LRRC49: variants seen among roughly 807,000 people sequenced by gnomAD.
LRRC49 encodes the protein leucine-rich repeat-containing protein 49.
Under a neutral mutation model 83.3 loss-of-function variants are expected in LRRC49, and 50 were observed. The ratio of observed to expected loss-of-function variants is 0.60; its 90% CI spans 0.48 to 0.76. LRRC49 has a LOEUF of 0.76. Among genes scored for constraint, LRRC49 ranks in the 30% least tolerant of loss-of-function variants. The probability of loss-of-function intolerance (pLI) is 0.00; values close to 1 mark genes in which losing one functional copy is unlikely to be tolerated. For missense variants in LRRC49, 704 were observed against 809.1 expected (o/e 0.87, Z 1.58); for synonymous variants, 286 against 283.3 (o/e 1.01, Z -0.10).
At chr15:70,903,809 T>G (rs2034184505) in intron 4 of LRRC49, among the ~76,000 whole-genome samples, 1 of 152,156 alleles carries the variant, frequency 6.6e-6, no homozygotes, top group South Asian at 2.1e-4. Context: ...ACTTATTTAC[T>G]TCACGTGTAG....
chr15:70,860,137 A>G, intron 1 of LRRC49: 3 of 697,746 alleles, frequency 4.3e-6, no homozygotes, highest in Admixed American at 4.1e-5. Flanking sequence ...CTGGTGTCCA[A>G]GTCCTCTGAC....
intron 11 of LRRC49, among the ~76,000 whole-genome samples, chr15:70,996,446 GTAGTTGAAACTCCTCATTCA>G (rs1309820254): frequency 6.6e-6 from 1 of 152,018 alleles, no homozygotes; most frequent in Non-Finnish European, 1.5e-5. Flanking sequence ...AGCATTTGAC[GTAGTTGAAACTCCTCATTCA>G]CCTGATTTTC....
intron 5 of LRRC49, chr15:70,907,845 G>A (rs1387858531): frequency 7.6e-6 from 3 of 396,966 alleles, no homozygotes; most frequent in East Asian, 7.3e-5. Flanking sequence ...AATCTTTCAG[G>A]TCACATTGGT....
Position 71,049,681 on chromosome 15 carries a change from C to T in LRRC49, c.*69C>T. On this transcript the variant is annotated 3_prime_UTR_variant, in exon 16 of 16. Coordinates refer to ENST00000260382, the MANE Select transcript of LRRC49 (RefSeq NM_017691.5). ...GAAGGTTGAAAATATGCAGGTTATA[C>T]ATGTTAAAACAACAACAACACTATC... The T allele has an allele frequency of 2.1e-6, 2 of 967,598 alleles. No homozygotes were observed. Among genetic ancestry groups the T allele is most frequent in the South Asian group, 3.0e-5 (2 of 67,572 alleles). 59.9% of individuals were successfully genotyped at this position (967,598 alleles called of 1,614,324 possible). A position where few individuals can be genotyped will look rare whatever the true frequency, so the allele number is the denominator to read the frequency against.
At chr15:70,917,912 C>T (rs868573025) in intron 6 of LRRC49, among the ~76,000 whole-genome samples, 7 of 152,244 alleles carry the variant, frequency 4.6e-5, no homozygotes, top group African/African-American at 1.7e-4. Flanking sequence ...GCCCCTTGCT[C>T]GCCATGTTGC....
intron 15 of LRRC49, 56 bp downstream of exon 15, chr15:71,037,388 G>A: frequency 1.4e-6 from 2 of 1,386,122 alleles, no homozygotes; most frequent in South Asian, 2.8e-5. Flanking sequence ...CACATGGCTT[G>A]GAATTTGGGG....
In LRRC49 at chr15:70,858,978, A is replaced by T; in HGVS notation, c.-299+5509A>T. The T allele has an allele frequency of 4.6e-6, 4 of 866,152 alleles. No individual in the cohort carries two copies. In the South Asian group the frequency reaches 5.2e-5, roughly 11 times the overall value. The allele number at this position is 866,152 out of a possible 1,614,324, so 53.7% of individuals were successfully genotyped here. A position where few individuals can be genotyped will look rare whatever the true frequency, so the allele number is the denominator to read the frequency against. ...GGACCCCAACATCCAGGCTCTACAC[A>T]CCCAAAGAAGGAGCAGATCAAGGCC... On this transcript the variant is annotated intron_variant, in intron 1 of 16. Transcript: ENST00000544974.
chr15:70,954,973 G>C (rs970582251), intron 8 of LRRC49, among the ~76,000 whole-genome samples: 6 of 152,034 alleles, frequency 3.9e-5, no homozygotes, highest in Admixed American at 6.6e-5. Flanking sequence ...GGCACCGTGG[G>C]CTTGGGAGGT....
At chr15:70,887,773 A>G (rs1256521348), upstream of LRRC49, among the ~76,000 whole-genome samples, 1 of 152,206 alleles carries the variant, frequency 6.6e-6, no homozygotes, top group Non-Finnish European at 1.5e-5. Context: ...AAATAAAAAC[A>G]CGAATATCAA....
chr15:70,877,450 T>C (rs1488729447), intron 2 of LRRC49, among the ~76,000 whole-genome samples: 1 of 152,254 alleles, frequency 6.6e-6, no homozygotes, highest in Non-Finnish European at 1.5e-5. Context: ...AAATATAGAA[T>C]GTGTACTTTT....
chr15:71,012,876 C>A lies in LRRC49; in HGVS notation c.1666C>A (p.Pro556Thr). ...AGCACATGTAGCATCTTCTGAGTTA[C>A]CCCAGTATCGTCTGATTTCCATTCT... ...ILAHVASSEL[P>T]QYRLISILGD... Residue 556 changes from proline (P) to threonine (T), a missense_variant, in exon 14 of 16, where the codon CCC becomes ACC. Physicochemically the swap from Pro to Thr is conservative, Grantham distance 38 (BLOSUM62 -1). Around this residue, in one of 3 missense-constraint regions of LRRC49, gnomAD observed 275 missense variants for 338.0 expected, o/e 0.81. Coordinates refer to ENST00000260382, the MANE Select transcript of LRRC49 (RefSeq NM_017691.5). 6.2e-7 allele frequency: 1 copy of A among 1,612,820 alleles called. No individual in the cohort carries two copies. Among genetic ancestry groups the A allele is most frequent in the South Asian group, 1.1e-5 (1 of 90,964 alleles).
chr15:70,975,092 A>G (rs2037159644), intron 9 of LRRC49, among the ~76,000 whole-genome samples: 1 of 152,226 alleles, frequency 6.6e-6, no homozygotes, highest in South Asian at 2.1e-4. Context: ...AATTCAGACA[A>G]TGGAGACAGT....
chr15:70,900,274 A>G, intron 3 of LRRC49: 1 of 359,478 alleles, frequency 2.8e-6, no homozygotes, highest in Non-Finnish European at 5.4e-6. Context: ...GGGGTGTCAT[A>G]TACTTTGTGG....
At chr15:70,897,678 A>G (rs1198957145) in intron 3 of LRRC49, among the ~76,000 whole-genome samples, 1 of 152,198 alleles carries the variant, frequency 6.6e-6, no homozygotes, top group Non-Finnish European at 1.5e-5. Context: ...AAATTAATCA[A>G]ACATATCATA....
chr15:71,023,641 A>G (rs1461186641), intron 14 of LRRC49, among the ~76,000 whole-genome samples: 2 of 152,180 alleles, frequency 1.3e-5, no homozygotes, highest in Non-Finnish European at 2.9e-5. Flanking sequence ...CAAGGGAGGC[A>G]TTGAGTGATT....
At chr15:70,980,022 G>T in intron 9 of LRRC49, 79 bp from the exon 10 acceptor site, 1 of 841,414 alleles carries the variant, frequency 1.2e-6, no homozygotes, top group Admixed American at 2.5e-5. Flanking sequence ...GAAGAAAACT[G>T]TGCTTAATAG....
chr15:70,983,970 A>T, intron 10 of LRRC49, 124 bp from the exon 11 acceptor site: 2 of 677,378 alleles, frequency 3.0e-6, no homozygotes, highest in East Asian at 5.6e-5. Context: ...TTGGGTATCT[A>T]CTTAAAAGGA....
chr15:70,915,377 G>A lies in LRRC49; in HGVS notation c.568-3673G>A, dbSNP rs79471055. Among the ~76,000 whole-genome samples the A allele has an allele frequency of 2.8e-4, 43 of 152,254 alleles. 1 individual carries two copies. In the East Asian group the frequency reaches 7.5e-3, roughly 27 times the overall value. On this transcript the variant is annotated intron_variant, in intron 6 of 15. Coordinates refer to ENST00000260382, the MANE Select transcript of LRRC49 (RefSeq NM_017691.5). ...GGAAGGGTAGTTTTCTAAAAGAAAT[G>A]TCCAGAACTATTAGCAGAAGGGAGA...
Position 70,858,046 on chromosome 15 carries a change from T to C in LRRC49, c.-299+4577T>C, listed in dbSNP as rs181368344. The stretch of plus-strand genomic sequence containing the variant: ...TATGCTAGTAGATTATGATGCAGCG[T>C]TCCAAGAACCTTCATACCAAGAAAA... On this transcript the variant is annotated intron_variant, in intron 1 of 16. Coordinates refer to the LRRC49 transcript ENST00000544974. Among the ~76,000 whole-genome samples, 194 of 152,328 alleles carry C rather than the reference T, an allele frequency of 1.3e-3. 1 individual carries two copies. The highest frequency in any genetic ancestry group is 2.7e-3 in the South Asian group (13 of 4,828).
Sources: gnomAD v4.1 joint callset for allele counts (sites outside exome capture counted in the v4.1 genomes callset) on GRCh38, gnomAD v4.1.1 for gene constraint, gnomAD v4.1.1 regional missense constraint, MANE v1.5 for transcripts, NCBI Gene and HGNC (gene_info 2026-07-23, HGNC 2026-07-21) for gene names.